MAGI1: variants seen among roughly 807,000 people sequenced by gnomAD.
The protein encoded by MAGI1 is membrane-associated guanylate kinase, WW and PDZ domain-containing protein 1.
A neutral mutation model predicts 139.9 loss-of-function variants in MAGI1; 58 were observed. That is an observed-to-expected ratio of 0.41 (90% CI 0.34 to 0.52). The LOEUF is 0.52. Among genes scored for constraint, MAGI1 ranks in the 20% least tolerant of loss-of-function variants. MAGI1 has a pLI of 0.12. For synonymous variants in MAGI1, 812 were observed against 737.9 expected, an observed-to-expected ratio of 1.10 and a Z score of -1.63; for missense variants, 1,874 against 1,901.6, an observed-to-expected ratio of 0.99 and a Z score of 0.27.
In MAGI1 at chr3:65,627,485, C is replaced by CTTTTTTTT. The variant is rs779588733; in HGVS notation, c.314-5405_314-5398dup. Among the ~76,000 whole-genome samples, 5 of 28,354 alleles carry CTTTTTTTT rather than the reference C, an allele frequency of 1.8e-4. 1 individual carries two copies. Among genetic ancestry groups the CTTTTTTTT allele is most frequent in the African/African-American group, 4.7e-4 (4 of 8,490 alleles). 18.6% of individuals were successfully genotyped at this position (28,354 alleles called of 152,430 possible). ...TTGCCGTTATTTTATATTTCTGTAT[C>CTTTTTTTT]TTTTTTTTTTTTTTTTTTTTTTTTT... On this transcript the variant is annotated intron_variant, in intron 1 of 22. Transcript: ENST00000402939.
chr3:65,930,146 C>G (rs1308181179), intron 1 of MAGI1, among the ~76,000 whole-genome samples: 1 of 151,370 alleles, frequency 6.6e-6, no homozygotes, highest in Admixed American at 6.6e-5. Context: ...GAAACCCTGT[C>G]TCTACTGAAA....
At chr3:65,420,595 G>A (rs1478297047) in intron 12 of MAGI1, among the ~76,000 whole-genome samples, 1 of 152,034 alleles carries the variant, frequency 6.6e-6, no homozygotes, top group Non-Finnish European at 1.5e-5. Flanking sequence ...TGACAGGCAC[G>A]TGATGTTAAT....
chr3:65,525,736 T>C (rs1364344099), intron 2 of MAGI1, among the ~76,000 whole-genome samples: 1 of 152,170 alleles, frequency 6.6e-6, no homozygotes, highest in East Asian at 1.9e-4. Context: ...GTCAATAATA[T>C]AGCGGTAGAA....
chr3:65,768,811 G>A (rs1244032228), intron 1 of MAGI1, among the ~76,000 whole-genome samples: 1 of 152,124 alleles, frequency 6.6e-6, no homozygotes, highest in Non-Finnish European at 1.5e-5. Context: ...TTACTTTAAA[G>A]AAATCATTAT....
chr3:65,585,638 C>T (rs1477954200), intron 2 of MAGI1, among the ~76,000 whole-genome samples: 1 of 152,086 alleles, frequency 6.6e-6, no homozygotes, highest in Non-Finnish European at 1.5e-5. Context: ...CATATATGTG[C>T]CATACTACAC....
intron 1 of MAGI1, among the ~76,000 whole-genome samples, chr3:65,914,719 C>G (rs754648787): frequency 3.3e-5 from 5 of 152,172 alleles, no homozygotes; most frequent in Admixed American, 6.5e-5. Context: ...AAGTTGAGAA[C>G]AGTATCAACC....
intron 2 of MAGI1, among the ~76,000 whole-genome samples, chr3:65,575,120 C>T (rs909287363): frequency 1.3e-5 from 2 of 151,986 alleles, no homozygotes; most frequent in African/African-American, 2.4e-5. Flanking sequence ...AGGATGAAAA[C>T]GTAAGGCACA....
chr3:65,543,796 AATGTAG>A lies in MAGI1; in HGVS notation c.431-50171_431-50166del, dbSNP rs144160643. Reference sequence around the variant, plus strand: ...AGGGATAGCATTTGGAGAAATACCTAATGTAGATGATGGGTTGATGGGTGCAGCAAA... The same window carrying A: ...AGGGATAGCATTTGGAGAAATACCTAATGATGGGTTGATGGGTGCAGCAAA... On this transcript the variant is annotated intron_variant, in intron 2 of 22. Transcript: ENST00000402939. Among the ~76,000 whole-genome samples the A allele has an allele frequency of 5.6e-3, 850 of 152,212 alleles. 8 individuals are homozygous for A. The highest frequency in any genetic ancestry group is 0.019 in the African/African-American group (788 of 41,542).
At chr3:65,928,778 G>C (rs977731016) in intron 1 of MAGI1, among the ~76,000 whole-genome samples, 3 of 152,100 alleles carry the variant, frequency 2.0e-5, no homozygotes, top group African/African-American at 7.2e-5. Flanking sequence ...CAACCACAAT[G>C]AGAGCTGTTA....
intron 1 of MAGI1, among the ~76,000 whole-genome samples, chr3:65,981,972 T>C (rs1010000447): frequency 6.6e-6 from 1 of 152,226 alleles, no homozygotes; most frequent in African/African-American, 2.4e-5. Flanking sequence ...GTATTTTACA[T>C]AGAGTTTATC....
intron 1 of MAGI1, among the ~76,000 whole-genome samples, chr3:65,764,638 A>AT (rs1382255899): frequency 6.6e-6 from 1 of 152,210 alleles, no homozygotes; most frequent in Non-Finnish European, 1.5e-5. Flanking sequence ...GGAAAAATTC[A>AT]TCAAAAGCAG....
At chr3:65,748,864 G>A (rs1302665677) in intron 1 of MAGI1, among the ~76,000 whole-genome samples, 1 of 152,134 alleles carries the variant, frequency 6.6e-6, no homozygotes, top group African/African-American at 2.4e-5. Context: ...ACTTAAGACT[G>A]GTGAAATGAC....
At chr3:65,928,584 T>C (rs1258841243) in intron 1 of MAGI1, among the ~76,000 whole-genome samples, 1 of 152,072 alleles carries the variant, frequency 6.6e-6, no homozygotes, top group Non-Finnish European at 1.5e-5. Context: ...GCAAGTAACT[T>C]TGAGTTAGTT....
At chr3:65,465,071 A>G (rs1950083953) in intron 5 of MAGI1, among the ~76,000 whole-genome samples, 1 of 150,052 alleles carries the variant, frequency 6.7e-6, no homozygotes, top group Non-Finnish European at 1.5e-5. Context: ...TGACTGAAGT[A>G]GATAAACCTT....
At chr3:65,722,567 A>C (rs1159405961) in intron 1 of MAGI1, among the ~76,000 whole-genome samples, 7 of 152,164 alleles carry the variant, frequency 4.6e-5, no homozygotes, top group Non-Finnish European at 1.5e-5. Flanking sequence ...CAAGAGCTGG[A>C]GGCTGCAGCG....
At chr3:66,032,065 G>A (rs1415616218) in intron 1 of MAGI1, among the ~76,000 whole-genome samples, 1 of 152,206 alleles carries the variant, frequency 6.6e-6, no homozygotes, top group Non-Finnish European at 1.5e-5. Context: ...TTACGAGAAA[G>A]TGAAGACCTC....
chr3:66,011,993 A>T (rs996291831), intron 1 of MAGI1, among the ~76,000 whole-genome samples: 1 of 152,152 alleles, frequency 6.6e-6, no homozygotes, highest in Non-Finnish European at 1.5e-5. Flanking sequence ...TACCCAACAG[A>T]TGTCCAATAC....
intron 2 of MAGI1, among the ~76,000 whole-genome samples, chr3:65,595,808 G>GGGGTGGGTA (rs3075762): frequency 0.011 from 1,425 of 135,154 alleles, 23 homozygotes; most frequent in African/African-American, 0.038. Context: ...TTAACTCTCT[G>GGGGTGGGTA]GGGTGGGTAG....
chr3:65,462,282 A>T (rs1949851921), intron 5 of MAGI1, among the ~76,000 whole-genome samples: 1 of 151,998 alleles, frequency 6.6e-6, no homozygotes, highest in South Asian at 2.1e-4. Context: ...ATCCATCTTG[A>T]GTTAATTTTT....
Sources: allele counts gnomAD v4.1 joint callset (sites outside exome capture counted in the v4.1 genomes callset), GRCh38; gene constraint gnomAD v4.1.1; transcripts MANE v1.5; gene names NCBI Gene and HGNC (gene_info 2026-07-23, HGNC 2026-07-21).